MAN2A1: variants seen among roughly 807,000 people sequenced by gnomAD.
The protein encoded by MAN2A1 is alpha-mannosidase 2.
Under a neutral mutation model 142.6 loss-of-function variants are expected in MAN2A1, and 76 were observed. The ratio of observed to expected loss-of-function variants is 0.53; its 90% CI spans 0.44 to 0.65. MAN2A1 has a LOEUF of 0.65. MAN2A1 is among the 30% of genes least tolerant of loss of function. The pLI is 0.00. For missense variants in MAN2A1, 1,311 were observed against 1,365.1 expected, an observed-to-expected ratio of 0.96 and a Z score of 0.62; for synonymous variants, 559 against 473.2, an observed-to-expected ratio of 1.18 and a Z score of -2.35.
intron 8 of MAN2A1, among the ~76,000 whole-genome samples, chr5:109,777,926 TC>T (rs1487514248): frequency 3.9e-5 from 6 of 152,116 alleles, no homozygotes; most frequent in African/African-American, 1.4e-4. Context: ...GTTTGACTCA[TC>T]TCACACTGTC....
chr5:109,861,405 G>A (rs1046404867), intron 20 of MAN2A1, among the ~76,000 whole-genome samples: 2 of 152,028 alleles, frequency 1.3e-5, no homozygotes. Flanking sequence ...ATTTTAGGTT[G>A]GTACAAAAGT....
chr5:109,784,695 A>G (rs765631785), intron 9 of MAN2A1, 49 bp from the exon 10 acceptor site: 7 of 1,406,800 alleles, frequency 5.0e-6, no homozygotes, highest in Admixed American at 2.5e-5. Flanking sequence ...TTTAGATTAT[A>G]AGCTAAAGTG....
At chr5:109,842,980 A>G (rs998871495) in intron 17 of MAN2A1, among the ~76,000 whole-genome samples, 36 of 151,596 alleles carry the variant, frequency 2.4e-4, no homozygotes, top group Admixed American at 1.8e-3. Context: ...TAATTTTTGT[A>G]TTTTTAGCAG....
intron 1 of MAN2A1, among the ~76,000 whole-genome samples, chr5:109,709,961 A>G (rs917385227): frequency 6.6e-6 from 1 of 152,222 alleles, no homozygotes; most frequent in Non-Finnish European, 1.5e-5. Context: ...GCAGACTACA[A>G]GTGCATCCTT....
intron 2 of MAN2A1, among the ~76,000 whole-genome samples, chr5:109,715,134 T>C (rs1751416762): frequency 2.0e-5 from 3 of 152,078 alleles, no homozygotes; most frequent in Admixed American, 2.0e-4. Context: ...AAACAGACAC[T>C]GCTAACACAT....
intron 8 of MAN2A1, among the ~76,000 whole-genome samples, chr5:109,776,454 A>G (rs1253005476): frequency 6.6e-6 from 1 of 152,110 alleles, no homozygotes; most frequent in Non-Finnish European, 1.5e-5. Flanking sequence ...AGGGATATAT[A>G]TATGAGTATC....
intron 5 of MAN2A1, among the ~76,000 whole-genome samples, chr5:109,757,485 T>A (rs1438790610): frequency 6.6e-6 from 1 of 152,168 alleles, no homozygotes; most frequent in African/African-American, 2.4e-5. Context: ...GTCCATGAGT[T>A]TTGTTTGAAG....
At chr5:109,862,695 C>G (rs1353137472) in intron 20 of MAN2A1, 2 of 152,142 alleles carry the variant, frequency 1.3e-5, no homozygotes, top group Non-Finnish European at 2.9e-5. Context: ...CTTTGAAAAA[C>G]AGTTTTCTTG....
intron 19 of MAN2A1, among the ~76,000 whole-genome samples, chr5:109,852,441 A>T (rs1755508021): frequency 6.6e-6 from 1 of 152,244 alleles, no homozygotes; most frequent in Non-Finnish European, 1.5e-5. Flanking sequence ...GTAACTTAAA[A>T]AATGGTCTCT....
At chr5:109,853,156 A>G (rs1755525928) in intron 19 of MAN2A1, among the ~76,000 whole-genome samples, 1 of 152,172 alleles carries the variant, frequency 6.6e-6, no homozygotes, top group Non-Finnish European at 1.5e-5. Flanking sequence ...TTCTAATGCA[A>G]AGGTAGTTAA....
chr5:109,795,550 A>G (rs1753837027), intron 12 of MAN2A1, among the ~76,000 whole-genome samples: 1 of 152,196 alleles, frequency 6.6e-6, no homozygotes, highest in Non-Finnish European at 1.5e-5. Flanking sequence ...GTATTATCAC[A>G]ATCTAAGATG....
At chr5:109,801,975 A>G (rs899289480) in intron 12 of MAN2A1, among the ~76,000 whole-genome samples, 21 of 152,188 alleles carry the variant, frequency 1.4e-4, no homozygotes, top group Non-Finnish European at 3.1e-4. Flanking sequence ...TTGTAGGACT[A>G]TGTGGGCCTA....
At chr5:109,759,808 G>C (rs191439963) in intron 5 of MAN2A1, among the ~76,000 whole-genome samples, 1 of 152,146 alleles carries the variant, frequency 6.6e-6, no homozygotes, top group African/African-American at 2.4e-5. Context: ...GGTATATAGT[G>C]ATATTTCACT....
chr5:109,787,795 A>G (rs535041310), intron 10 of MAN2A1, among the ~76,000 whole-genome samples: 1 of 151,952 alleles, frequency 6.6e-6, no homozygotes, highest in African/African-American at 2.4e-5. Context: ...TCATAACTGA[A>G]CCATATTCGT....
At chr5:109,765,322 C>G (rs916799684) in intron 5 of MAN2A1, among the ~76,000 whole-genome samples, 4 of 151,972 alleles carry the variant, frequency 2.6e-5, no homozygotes, top group African/African-American at 9.7e-5. Context: ...GTAGAAGTCT[C>G]TCTATTTGAC....
At chr5:109,726,913 A>G (rs1047144783) in intron 3 of MAN2A1, among the ~76,000 whole-genome samples, 2 of 152,198 alleles carry the variant, frequency 1.3e-5, no homozygotes, top group Admixed American at 6.6e-5. Context: ...ATATCATGTG[A>G]TATCTTAAAG....
At chr5:109,831,188 A>G (rs116327278) in intron 16 of MAN2A1, among the ~76,000 whole-genome samples, 8 of 152,248 alleles carry the variant, frequency 5.3e-5, no homozygotes, top group Non-Finnish European at 1.0e-4. Context: ...TGACAGTAGT[A>G]AAATCAGCTT....
At chr5:109,732,579 A>G (rs942625870) in intron 4 of MAN2A1, among the ~76,000 whole-genome samples, 1 of 151,880 alleles carries the variant, frequency 6.6e-6, no homozygotes, top group Non-Finnish European at 1.5e-5. Context: ...CTTTCTGCTT[A>G]TGGCTAGCCA....
At chr5:109,821,236 T>C (rs749574613) in intron 15 of MAN2A1, among the ~76,000 whole-genome samples, 1 of 152,218 alleles carries the variant, frequency 6.6e-6, no homozygotes, top group Non-Finnish European at 1.5e-5. Context: ...GTACATATTT[T>C]GTTTTTCATT....
Sources: gnomAD v4.1 joint callset for allele counts (sites outside exome capture counted in the v4.1 genomes callset) on GRCh38, gnomAD v4.1.1 for gene constraint, MANE v1.5 for transcripts, NCBI Gene and HGNC (gene_info 2026-07-23, HGNC 2026-07-21) for gene names.